Variants in MYOF observed in about 807,000 individuals in gnomAD.
MYOF encodes the protein fer-1-like 3, myoferlin.
In MYOF, 244 loss-of-function variants were observed where a neutral mutation model predicts 284.2. The ratio of observed to expected loss-of-function variants is 0.86; its 90% CI spans 0.77 to 0.95. The LOEUF (loss-of-function observed/expected upper bound fraction) is 0.95, where lower values mean the gene tolerates loss of function less well. Ranked by LOEUF, MYOF falls within the 40% of genes least tolerant of loss-of-function variation. The probability of loss-of-function intolerance (pLI) is 0.00; values close to 1 mark genes in which losing one functional copy is unlikely to be tolerated. For missense variants in MYOF, 2,496 were observed against 2,560.6 expected (o/e 0.97, Z 0.54); for synonymous variants, 904 against 919.7 (o/e 0.98, Z 0.31).
At chr10:93,347,195 A>G (rs1844224836) in intron 37 of MYOF, among the ~76,000 whole-genome samples, 1 of 152,228 alleles carries the variant, frequency 6.6e-6, no homozygotes, top group Non-Finnish European at 1.5e-5. Flanking sequence ...CGTAAAATGT[A>G]GACAATGAAT....
chr10:93,384,281 AT>A (rs1182818047), intron 19 of MYOF, among the ~76,000 whole-genome samples: 2 of 152,216 alleles, frequency 1.3e-5, no homozygotes, highest in African/African-American at 4.8e-5. Flanking sequence ...GGAAGGAACA[AT>A]AAACACCATT....
chr10:93,432,072 G>GATAGAGGGGCAAGAGGTAAAGACTGA (rs896029682), intron 3 of MYOF, among the ~76,000 whole-genome samples: 3 of 152,048 alleles, frequency 2.0e-5, no homozygotes, highest in Admixed American at 6.6e-5. Flanking sequence ...TCATGAATGA[G>GATAGAGGGGCAAGAGGTAAAGACTGA]ATAGAGGGGC....
chr10:93,397,909 C>A (rs1309383279), intron 13 of MYOF, among the ~76,000 whole-genome samples: 4 of 152,010 alleles, frequency 2.6e-5, no homozygotes, highest in Non-Finnish European at 5.9e-5. Flanking sequence ...TCAGCCACAC[C>A]CTGACACTTC....
intron 7 of MYOF, 66 bp downstream of exon 7, chr10:93,408,721 G>A (rs1055207777): frequency 2.5e-6 from 4 of 1,599,068 alleles, no homozygotes; most frequent in Non-Finnish European, 3.4e-6. Context: ...CACCAGTGAA[G>A]CTGCTCCCGT....
chr10:93,310,562 T>C lies in MYOF; in HGVS notation c.5971A>G (p.Asn1991Asp). 6.2e-7 allele frequency: 1 copy of C among 1,614,190 alleles called. No individual in the cohort carries two copies. Among genetic ancestry groups the C allele is most frequent in the Non-Finnish European group, 8.5e-7 (1 of 1,180,026 alleles). The change falls in exon 52 of 54, where the codon AAC (asparagine) becomes GAC (aspartate). Residue 1991 changes from asparagine to aspartate, a missense_variant. Coordinates refer to ENST00000359263, the MANE Select transcript of MYOF (RefSeq NM_013451.4). ...GGTAAGTCCAGCTTGGGGTTCATGTTGGGTTCGTCCCGCCCCTTCCCGGCT... is the reference window on the plus strand; with the variant it reads ...GGTAAGTCCAGCTTGGGGTTCATGTCGGGTTCGTCCCGCCCCTTCCCGGCT... ...RPAGKGRDEPNMNPKLDLPNR... is the reference protein window; with the variant it reads ...RPAGKGRDEPDMNPKLDLPNR...
chr10:93,381,280 CT>C lies in MYOF; in HGVS notation c.1814del (p.Lys605SerfsTer39), dbSNP rs755174539. The C allele has an allele frequency of 2.5e-6, 4 of 1,614,090 alleles. No individual in the cohort carries two copies. In the African/African-American group the frequency reaches 5.3e-5, roughly 22 times the overall value. On this transcript the variant is annotated frameshift_variant, in exon 20 of 54. Coordinates refer to ENST00000359263, the MANE Select transcript of MYOF (RefSeq NM_013451.4). LOFTEE classifies it high-confidence loss of function. ...CCAAAGGCTTACAGGTGGTGTCAAA[CT>C]TGTTGCCATAGTTCCCAATGCTGAC... ...FEVSIGNYGNKFDTTCKPLAS... is the reference protein window; with the variant it reads ...FEVSIGNYGNXFDTTCKPLAS...
At chr10:93,390,524 T>G (rs2134039098) in intron 17 of MYOF, among the ~76,000 whole-genome samples, 1 of 152,318 alleles carries the variant, frequency 6.6e-6, no homozygotes, top group East Asian at 1.9e-4. Flanking sequence ...CAACAGTTTC[T>G]CCAACAGAGA....
chr10:93,344,999 C>A (rs747397224), intron 37 of MYOF, among the ~76,000 whole-genome samples: 2 of 152,130 alleles, frequency 1.3e-5, no homozygotes, highest in African/African-American at 2.4e-5. Flanking sequence ...ACCAAAGCCT[C>A]ACCCTGGGGC....
chr10:93,396,901 G>T (rs1410446272), intron 15 of MYOF, among the ~76,000 whole-genome samples: 1 of 152,076 alleles, frequency 6.6e-6, no homozygotes, highest in African/African-American at 2.4e-5. Flanking sequence ...ACAATGAATT[G>T]CTCTCAGAAT....
At chr10:93,443,564 C>G (rs565229899) in intron 3 of MYOF, among the ~76,000 whole-genome samples, 1 of 151,986 alleles carries the variant, frequency 6.6e-6, no homozygotes, top group South Asian at 2.1e-4. Context: ...CTTGGCATCT[C>G]TAGACTCCCA....
intron 43 of MYOF, among the ~76,000 whole-genome samples, chr10:93,332,398 A>G (rs1843354602): frequency 1.3e-5 from 2 of 151,468 alleles, no homozygotes; most frequent in Admixed American, 1.3e-4. Context: ...AATTTTTGTT[A>G]TTTTGTAGAG....
intron 1 of MYOF, among the ~76,000 whole-genome samples, chr10:93,467,202 C>T (rs560317492): frequency 1.3e-5 from 2 of 151,832 alleles, no homozygotes; most frequent in South Asian, 4.2e-4. Context: ...TTTTAGGGTA[C>T]ATGTGCACAA....
chr10:93,316,364 G>C (rs1201188156), intron 50 of MYOF, among the ~76,000 whole-genome samples: 1 of 152,078 alleles, frequency 6.6e-6, no homozygotes, highest in Non-Finnish European at 1.5e-5. Flanking sequence ...GGTAACTTGG[G>C]AACAGGTTGA....
In MYOF at chr10:93,406,251, G is replaced by A. The variant is rs1289499903; in HGVS notation, c.730-2032C>T. ...CAGTATTACAGGCGTGAGCCACCAC[G>A]CCTGGCCAGGCTAGAAATTTTTTTA... On this transcript the variant is annotated intron_variant, in intron 7 of 53. Coordinates refer to ENST00000359263, the MANE Select transcript of MYOF (RefSeq NM_013451.4). 4.0e-5 allele frequency among the ~76,000 whole-genome samples: 5 copies of A among 124,660 alleles called. No homozygotes were observed. The South Asian group carries it at 1.4e-3, about 36-fold the overall frequency. 81.8% of individuals were successfully genotyped at this position (124,660 alleles called of 152,430 possible).
At chr10:93,364,479 G>C (rs1194677201) in intron 26 of MYOF, among the ~76,000 whole-genome samples, 1 of 152,158 alleles carries the variant, frequency 6.6e-6, no homozygotes. Context: ...AAAGGGAGCT[G>C]TCCCCACTAT....
chr10:93,315,400 A>T (rs1224292654), intron 50 of MYOF, among the ~76,000 whole-genome samples: 1 of 152,118 alleles, frequency 6.6e-6, no homozygotes, highest in African/African-American at 2.4e-5. Flanking sequence ...GCTAGAATGG[A>T]GTGGCTGGCG....
chr10:93,315,896 G>A (rs1842592460), intron 50 of MYOF, among the ~76,000 whole-genome samples: 1 of 151,792 alleles, frequency 6.6e-6, no homozygotes, highest in Non-Finnish European at 1.5e-5. Context: ...TGAGGTGCAA[G>A]GATTGCTTGA....
intron 30 of MYOF, among the ~76,000 whole-genome samples, chr10:93,356,143 C>G (rs1245597045): frequency 2.6e-5 from 4 of 152,228 alleles, no homozygotes; most frequent in Non-Finnish European, 2.9e-5. Flanking sequence ...GGCTCCTGAC[C>G]ACCCTATTGT....
intron 23 of MYOF, among the ~76,000 whole-genome samples, chr10:93,374,107 C>T (rs534766935): frequency 3.0e-4 from 45 of 152,232 alleles, no homozygotes; most frequent in Non-Finnish European, 6.0e-4. Context: ...TGAGAACATG[C>T]GGTGTTTGGT....
Sources: allele counts gnomAD v4.1 joint callset (sites outside exome capture counted in the v4.1 genomes callset), GRCh38; gene constraint gnomAD v4.1.1; transcripts MANE v1.5; gene names NCBI Gene and HGNC (gene_info 2026-07-23, HGNC 2026-07-21).